The following KCNIP1 variants were observed in gnomAD, a reference collection of about 807,000 sequenced individuals.
The protein encoded by KCNIP1 is A-type potassium channel modulatory protein KCNIP1.
KCNIP1 carries 18 observed loss-of-function variants against 33.0 expected under a neutral mutation model. The ratio of observed to expected loss-of-function variants is 0.55; its 90% CI spans 0.38 to 0.81. KCNIP1 has a LOEUF of 0.81. KCNIP1 is among the 30% of genes least tolerant of loss of function. KCNIP1 has a pLI of 0.00. For missense variants in KCNIP1, 238 were observed against 271.6 expected, an observed-to-expected ratio of 0.88 and a Z score of 0.87; for synonymous variants, 93 against 98.3, an observed-to-expected ratio of 0.95 and a Z score of 0.32.
chr5:170,720,979 C>T (rs143326606), intron 3 of KCNIP1, among the ~76,000 whole-genome samples: 10 of 152,334 alleles, frequency 6.6e-5, no homozygotes, highest in East Asian at 1.9e-4. Context: ...TTGCCCTGCC[C>T]GACTCCTGTG....
intron 1 of KCNIP1, among the ~76,000 whole-genome samples, chr5:170,513,133 C>A (rs113748754): frequency 6.6e-6 from 1 of 151,894 alleles, no homozygotes; most frequent in Admixed American, 6.6e-5. Context: ...GGTTTATATG[C>A]CCACTGGAGT....
intron 1 of KCNIP1, among the ~76,000 whole-genome samples, chr5:170,536,142 C>T (rs1034836904): frequency 2.6e-5 from 4 of 152,200 alleles, no homozygotes; most frequent in Admixed American, 6.5e-5. Flanking sequence ...ATGGAGATGA[C>T]GAAACCCAGA....
intron 4 of KCNIP1, 22 bp from the exon 5 acceptor site, chr5:170,722,691 C>T (rs1242123601): frequency 6.6e-7 from 1 of 1,518,728 alleles, no homozygotes; most frequent in Non-Finnish European, 9.1e-7. Flanking sequence ...GTTAATGTCA[C>T]TCTGCCTTTT....
intron 1 of KCNIP1, among the ~76,000 whole-genome samples, chr5:170,387,222 G>T (rs531962036): frequency 6.6e-6 from 1 of 152,224 alleles, no homozygotes; most frequent in Admixed American, 6.5e-5. Context: ...CAGATATCAG[G>T]GGGACTTTAT....
Position 170,371,935 on chromosome 5 carries a change from A to G in KCNIP1, c.88+17971A>G, listed in dbSNP as rs773424925. On this transcript the variant is annotated intron_variant, in intron 1 of 7. Coordinates refer to the KCNIP1 transcript ENST00000377360. ...GGTTTTCTTCCCCCCTACTGATACC[A>G]ACTAGTTTGGACACCAACTGGGTGT... Among the ~76,000 whole-genome samples the G allele has an allele frequency of 8.3e-4, 126 of 152,152 alleles. 1 individual carries two copies. Among genetic ancestry groups the G allele is most frequent in the Non-Finnish European group, 1.1e-3 (74 of 68,020 alleles).
At chr5:170,643,202 TC>T (rs1366121210) in intron 1 of KCNIP1, among the ~76,000 whole-genome samples, 1 of 152,224 alleles carries the variant, frequency 6.6e-6, no homozygotes, top group Non-Finnish European at 1.5e-5. Context: ...AGCCAAGGCG[TC>T]CAGGTGGCTG....
intron 1 of KCNIP1, among the ~76,000 whole-genome samples, chr5:170,606,876 C>T (rs911960470): frequency 6.6e-6 from 1 of 152,222 alleles, no homozygotes; most frequent in Non-Finnish European, 1.5e-5. Context: ...CACCGAAGCA[C>T]TACTTTGTCC....
At chr5:170,540,878 G>A (rs1323071795) in intron 1 of KCNIP1, among the ~76,000 whole-genome samples, 5 of 152,186 alleles carry the variant, frequency 3.3e-5, no homozygotes, top group Non-Finnish European at 7.3e-5. Flanking sequence ...TGGCCACACC[G>A]AAAGGTAGGT....
At chr5:170,545,976 C>T (rs1282368510) in intron 1 of KCNIP1, among the ~76,000 whole-genome samples, 1 of 152,178 alleles carries the variant, frequency 6.6e-6, no homozygotes, top group African/African-American at 2.4e-5. Flanking sequence ...TGATACATTC[C>T]ACCAGAGCAG....
chr5:170,497,790 C>T (rs1561652390), intron 1 of KCNIP1, among the ~76,000 whole-genome samples: 1 of 152,336 alleles, frequency 6.6e-6, no homozygotes, highest in Admixed American at 6.5e-5. Context: ...CACACACACT[C>T]CTTGCAGGAT....
intron 1 of KCNIP1, among the ~76,000 whole-genome samples, chr5:170,520,710 T>C (rs1285868568): frequency 6.6e-6 from 1 of 152,168 alleles, no homozygotes; most frequent in Non-Finnish European, 1.5e-5. Flanking sequence ...TAAACCCTCC[T>C]CACTCTCGCC....
intron 1 of KCNIP1, among the ~76,000 whole-genome samples, chr5:170,450,540 C>G (rs367687957): frequency 6.6e-6 from 1 of 152,128 alleles, no homozygotes; most frequent in South Asian, 2.1e-4. Flanking sequence ...GGCTAAATTC[C>G]GCCCAGACTC....
Position 170,540,445 on chromosome 5 carries a change from G to C in KCNIP1, c.61+35812G>C, listed in dbSNP as rs1182309143. ...GTGATGAGTTATTGCACCAACAGCT[G>C]TTGCCCAGCCCTGCTATGTGGATCT... On this transcript the variant is annotated intron_variant, in intron 1 of 7. Coordinates refer to ENST00000328939, the MANE Select transcript of KCNIP1 (RefSeq NM_014592.4). Among the ~76,000 whole-genome samples the C allele has an allele frequency of 3.3e-5, 5 of 152,324 alleles. No individual in the cohort carries two copies. The South Asian group carries it at 1.0e-3, about 32-fold the overall frequency.
chr5:170,540,095 G>C (rs1310807455), intron 1 of KCNIP1, among the ~76,000 whole-genome samples: 2 of 152,132 alleles, frequency 1.3e-5, no homozygotes, highest in African/African-American at 2.4e-5. Context: ...CCTGGGTCTG[G>C]GTTCTTCTGA....
At chr5:170,498,272 C>T (rs922496035) in intron 1 of KCNIP1, among the ~76,000 whole-genome samples, 1 of 152,220 alleles carries the variant, frequency 6.6e-6, no homozygotes, top group South Asian at 2.1e-4. Context: ...CCTCACCCTG[C>T]GACCTCCAAC....
chr5:170,568,631 G>A (rs979705330), intron 1 of KCNIP1, among the ~76,000 whole-genome samples: 2 of 100,542 alleles, frequency 2.0e-5, no homozygotes, highest in African/African-American at 7.0e-5. Context: ...GGCGAACATG[G>A]TGAAACCCGT....
At chr5:170,717,831 T>C (rs4868017) in intron 1 of KCNIP1, among the ~76,000 whole-genome samples, 37,110 of 152,154 alleles carry the variant, frequency 0.24, 5,799 homozygotes, top group East Asian at 0.82. Flanking sequence ...AGTTGTTCAA[T>C]AGATGGATTT....
chr5:170,588,610 C>T (rs906307478), intron 1 of KCNIP1, among the ~76,000 whole-genome samples: 1 of 152,166 alleles, frequency 6.6e-6, no homozygotes, highest in Non-Finnish European at 1.5e-5. Flanking sequence ...CTCGCCTCCC[C>T]AAATCCTTCA....
intron 1 of KCNIP1, among the ~76,000 whole-genome samples, chr5:170,664,495 G>A (rs1469711840): frequency 6.6e-6 from 1 of 152,134 alleles, no homozygotes; most frequent in Non-Finnish European, 1.5e-5. Context: ...GTATTTAGTA[G>A]AGATGGGGTT....
Sources: gnomAD v4.1 joint callset for allele counts (sites outside exome capture counted in the v4.1 genomes callset) on GRCh38, gnomAD v4.1.1 for gene constraint, MANE v1.5 for transcripts, NCBI Gene and HGNC (gene_info 2026-07-23, HGNC 2026-07-21) for gene names.